NOLC1: variants seen among roughly 807,000 people sequenced by gnomAD.
NOLC1 encodes nucleolar and coiled-body phosphoprotein 1.
A neutral mutation model predicts 73.4 loss-of-function variants in NOLC1; 37 were observed. That is an observed-to-expected ratio of 0.50 (90% CI 0.39 to 0.66). NOLC1 has a LOEUF of 0.66. Among genes scored for constraint, NOLC1 ranks in the 30% least tolerant of loss-of-function variants. The pLI, the probability that NOLC1 is intolerant of heterozygous loss-of-function variation, is 0.00. For missense variants in NOLC1, 921 were observed against 838.9 expected (o/e 1.10, Z -1.21); for synonymous variants, 327 against 302.6 (o/e 1.08, Z -0.84).
chr10:102,157,693 A>G (rs762455880), intron 4 of NOLC1, 138 bp downstream of exon 4: 15 of 1,061,534 alleles, frequency 1.4e-5, no homozygotes, highest in Non-Finnish European at 1.9e-5. Context: ...GGGGATTTTC[A>G]GGGAGCTGAT....
intron 1 of NOLC1, 89 bp downstream of exon 1, chr10:102,152,619 T>C: frequency 1.3e-6 from 2 of 1,566,616 alleles, no homozygotes; most frequent in Non-Finnish European, 1.7e-6. Flanking sequence ...TGGGGAAGTC[T>C]GGGGGTCCGC....
At position 102,160,833 on chromosome 10, in the gene NOLC1, C is replaced by T. The variant is rs752481534; in HGVS notation, c.1481C>T (p.Pro494Leu). 1 of 1,614,060 alleles carries T rather than the reference C, an allele frequency of 6.2e-7. No homozygotes were observed. Among genetic ancestry groups the T allele is most frequent in the South Asian group, 1.1e-5 (1 of 91,076 alleles). The change falls in exon 10 of 13, where the codon CCA becomes CTA. Residue 494 changes from proline to leucine, a missense_variant. Coordinates refer to ENST00000605788, the MANE Select transcript of NOLC1 (RefSeq NM_004741.5). ...TCTAAGTCTGCAGTTAAGAAGAAGC[C>T]ACAGAAGGTAGCAGGAGGTGCAGCC... ...KTSKSAVKKK[P>L]QKVAGGAAPS...
In NOLC1 at chr10:102,161,616, A is replaced by G. The variant is rs757642801; in HGVS notation, c.1802A>G (p.Lys601Arg). 3 of 1,614,050 alleles carry G rather than the reference A, an allele frequency of 1.9e-6. No homozygotes were observed. Among genetic ancestry groups the G allele is most frequent in the Non-Finnish European group, 2.5e-6 (3 of 1,180,002 alleles). ...AAKEAETPQA[K>R]KIKLQTPNTF... is the part of the protein sequence containing the mutation. ...AAGGAGGCAGAGACTCCTCAGGCCAAGAAGATAAAGCTTCAGACCCCTAAC... is the reference window on the plus strand; with the variant it reads ...AAGGAGGCAGAGACTCCTCAGGCCAGGAAGATAAAGCTTCAGACCCCTAAC... The change falls in exon 11 of 13, where the codon AAG becomes AGG. Residue 601 changes from lysine (K) to arginine (R), a missense_variant. Coordinates refer to ENST00000605788, the MANE Select transcript of NOLC1 (RefSeq NM_004741.5).
chr10:102,154,933 G>T (rs1273171896), intron 1 of NOLC1, among the ~76,000 whole-genome samples: 6 of 152,012 alleles, frequency 3.9e-5, no homozygotes, highest in Non-Finnish European at 5.9e-5. Flanking sequence ...ATACTTCGCT[G>T]TAGCATCGAA....
intron 5 of NOLC1, 74 bp downstream of exon 5, chr10:102,158,288 T>G: frequency 7.3e-7 from 1 of 1,368,044 alleles, no homozygotes. Context: ...ATTGCCGATT[T>G]GGCACAGGGG....
chr10:102,159,345 A>G (rs776943064), intron 6 of NOLC1, 37 bp downstream of exon 6: 3 of 1,613,920 alleles, frequency 1.9e-6, no homozygotes, highest in Non-Finnish European at 2.5e-6. Context: ...AGAGGTGACC[A>G]GGGTGTGATG....
rs748147452 is a variant in NOLC1 at position 102,159,229 on chromosome 10, CCAGTAGCAGCAGTAGCAG to C, written c.648_665del (p.Ser222_Ser227del). On this transcript the variant is annotated inframe_deletion, in exon 6 of 13. Coordinates refer to ENST00000605788, the MANE Select transcript of NOLC1 (RefSeq NM_004741.5). ...CCTAAAATAGCCAATGGTAAAGCAG[CCAGTAGCAGCAGTAGCAG>C]CAGCAGCAGCAGTAGCAGTGATGAC... 1.7e-4 allele frequency: 269 copies of C among 1,613,874 alleles called. No homozygotes were observed. Among genetic ancestry groups the C allele is most frequent in the Non-Finnish European group, 2.0e-4 (236 of 1,180,010 alleles).
rs894677073 is a variant in NOLC1 at position 102,162,311 on chromosome 10, C to T, written c.*42C>T. On this transcript the variant is annotated 3_prime_UTR_variant, in exon 13 of 13. Coordinates refer to ENST00000605788, the MANE Select transcript of NOLC1 (RefSeq NM_004741.5). The stretch of plus-strand genomic sequence containing the variant: ...GTGAAGCAAGGGTGATGATCGGAGA[C>T]TACTTACTTTCTCCAGTGGACCTGG... The T allele has an allele frequency of 2.5e-6, 4 of 1,598,092 alleles. No individual in the cohort carries two copies. Among genetic ancestry groups the T allele is most frequent in the Non-Finnish European group, 2.6e-6 (3 of 1,170,402 alleles).
Position 102,157,450 on chromosome 10 carries a change from C to G in NOLC1, c.336C>G (p.Val112=), listed in dbSNP as rs761590361. 11 of 1,613,954 alleles carry G rather than the reference C, an allele frequency of 6.8e-6. No individual in the cohort carries two copies. In the African/African-American group the frequency reaches 1.2e-4, roughly 18 times the overall value. ...AKKAAVPAKR[V]GLPPGKAAAK... ...GTTCAGCTGTACCTGCCAAGCGAGT[C>G]GGTCTGCCTCCTGGGAAGGCTGCAG... The change falls in exon 4 of 13, where the codon GTC becomes GTG. Residue 112 remains valine (V), a synonymous_variant. Coordinates refer to ENST00000605788, the MANE Select transcript of NOLC1 (RefSeq NM_004741.5).
rs1489793578 is a variant in NOLC1 at position 102,157,268 on chromosome 10, G to A, written c.256G>A (p.Asp86Asn). 1 of 1,614,202 alleles carries A rather than the reference G, an allele frequency of 6.2e-7. No individual in the cohort carries two copies. The highest frequency in any genetic ancestry group is 2.2e-5 in the East Asian group (1 of 44,896). The stretch of plus-strand genomic sequence containing the variant: ...AGCTAAGAAGAAGGCCTCATCCAGT[G>A]ACAGTGAGGACAGCAGCGAGGAGGA... Reference protein sequence around the residue: ...KKAKKKASSSDSEDSSEEEEE... With the variant: ...KKAKKKASSSNSEDSSEEEEE... The change falls in exon 3 of 13, where the codon GAC (aspartate) becomes AAC (asparagine). Residue 86 changes from aspartate (D) to asparagine (N), a missense_variant. Transcript: ENST00000605788.
In NOLC1 at chr10:102,160,998, C is replaced by T. The variant is rs764121717; in HGVS notation, c.1646C>T (p.Thr549Ile). 23 of 1,613,924 alleles carry T rather than the reference C, an allele frequency of 1.4e-5. No homozygotes were observed. The highest frequency in any genetic ancestry group is 6.7e-5 in the African/African-American group (5 of 74,862). Residue 549 changes from threonine to isoleucine, a missense_variant, in exon 10 of 13, where the codon ACC (threonine) becomes ATC (isoleucine). Physicochemically the swap from Thr to Ile is moderately conservative, Grantham distance 89 (BLOSUM62 -1). Transcript: ENST00000605788. ...PRPQAPKANG[T>I]SALTAQNGKA... Reference sequence around the variant, plus strand: ...CCACAAGCCCCCAAGGCCAATGGCACCTCTGCACTGACTGCCCAGAATGGA... The same window carrying T: ...CCACAAGCCCCCAAGGCCAATGGCATCTCTGCACTGACTGCCCAGAATGGA...
In NOLC1 at chr10:102,159,536, A is replaced by C. The variant is rs745953178; in HGVS notation, c.827A>C (p.Glu276Ala). 6.2e-7 allele frequency: 1 copy of C among 1,614,206 alleles called. No homozygotes were observed. The highest frequency in any genetic ancestry group is 1.7e-5 in the Admixed American group (1 of 60,018). Residue 276 changes from glutamate to alanine, a missense_variant, in exon 7 of 13, where the codon GAG becomes GCG. Coordinates refer to ENST00000605788, the MANE Select transcript of NOLC1 (RefSeq NM_004741.5). ...GAGGATTCCTCCAGTGACGAGGAAG[A>C]GGAGCAAAAAAAACCCATGAAAAAT... ...SSEDSSSDEE[E>A]EQKKPMKNKP...
Position 102,163,312 on chromosome 10 carries a change from T to A in NOLC1, c.*1043T>A, listed in dbSNP as rs1240259297. On this transcript the variant is annotated 3_prime_UTR_variant, in exon 13 of 13. Transcript: ENST00000605788. The stretch of plus-strand genomic sequence containing the variant: ...GGAAGGTAGATTACATTAGGTGAAA[T>A]TATAGGTAATCTATGTATGTGCTAA... 6.6e-6 allele frequency: 1 copy of A among 152,154 alleles called. No individual in the cohort carries two copies. The highest frequency in any genetic ancestry group is 1.5e-5 in the Non-Finnish European group (1 of 68,024). 9.4% of individuals were successfully genotyped at this position (152,154 alleles called of 1,614,324 possible). A position where few individuals can be genotyped will look rare whatever the true frequency, so the allele number is the denominator to read the frequency against.
intron 1 of NOLC1, 93 bp from the exon 2 acceptor site, chr10:102,156,926 C>T (rs764457893): frequency 1.3e-5 from 15 of 1,186,892 alleles, no homozygotes; most frequent in African/African-American, 1.5e-5. Context: ...ACATTTATAC[C>T]AAATTTAGTA....
chr10:102,159,756 A>G, intron 7 of NOLC1, 140 bp from the exon 8 acceptor site: 1 of 1,062,410 alleles, frequency 9.4e-7, no homozygotes, highest in Non-Finnish European at 1.3e-6. Context: ...CAGAGGTGAC[A>G]CCATGTTCTG....
chr10:102,159,089 AAAAAAT>A, intron 5 of NOLC1, 98 bp from the exon 6 acceptor site: 16 of 1,113,502 alleles, frequency 1.4e-5, no homozygotes, highest in South Asian at 6.9e-5. Context: ...AAAAAAAAAA[AAAAAAT>A]GGTGGACTCC....
In NOLC1 at chr10:102,159,930, C is replaced by G; in HGVS notation, c.894C>G (p.Pro298=). The change falls in exon 8 of 13, where the codon CCC becomes CCG. Residue 298 remains proline (P), a synonymous_variant. Transcript: ENST00000605788. ...PYSSVPPPSA[P]PPKKSLGTQP... ...GTTCAGTCCCCCCGCCTTCTGCTCC[C>G]CCACCAAAGAAGTCTCTGGGAACCC... 1 of 1,608,214 alleles carries G rather than the reference C, an allele frequency of 6.2e-7. No individual in the cohort carries two copies. The highest frequency in any genetic ancestry group is 8.5e-7 in the Non-Finnish European group (1 of 1,177,380).
chr10:102,156,251 C>T (rs555421593), intron 1 of NOLC1, among the ~76,000 whole-genome samples: 1 of 152,260 alleles, frequency 6.6e-6, no homozygotes, highest in Non-Finnish European at 1.5e-5. Context: ...TTAGATAGTA[C>T]ATTGCTAGAG....
At chr10:102,152,605 C>G in intron 1 of NOLC1, 75 bp downstream of exon 1, 1 of 1,592,796 alleles carries the variant, frequency 6.3e-7, no homozygotes, top group Non-Finnish European at 8.5e-7. Flanking sequence ...CTTAGGTTTC[C>G]AGGTGGGGAA....
Sources: allele counts gnomAD v4.1 joint callset (sites outside exome capture counted in the v4.1 genomes callset), GRCh38; gene constraint gnomAD v4.1.1; transcripts MANE v1.5; gene names NCBI Gene and HGNC (gene_info 2026-07-23, HGNC 2026-07-21).